DCC: variants seen among roughly 807,000 people sequenced by gnomAD.
DCC encodes DCC netrin 1 receptor.
DCC carries 58 observed loss-of-function variants against 172.5 expected under a neutral mutation model. The observed-to-expected ratio is 0.34, with a 90% CI of 0.27 to 0.42. The LOEUF (loss-of-function observed/expected upper bound fraction) is 0.42, where lower values mean the gene tolerates loss of function less well. Among genes scored for constraint, DCC ranks in the 10% least tolerant of loss-of-function variants. DCC has a pLI of 1.00. For missense variants in DCC, 1,740 were observed against 1,791.0 expected, an observed-to-expected ratio of 0.97 and a Z score of 0.51; for synonymous variants, 709 against 644.5, an observed-to-expected ratio of 1.10 and a Z score of -1.52.
chr18:53,084,697 C>G (rs998654784), intron 7 of DCC, among the ~76,000 whole-genome samples: 1 of 152,140 alleles, frequency 6.6e-6, no homozygotes, highest in Non-Finnish European at 1.5e-5. Flanking sequence ...ATCTTTAGAG[C>G]CTGCAAAAAG....
intron 11 of DCC, among the ~76,000 whole-genome samples, chr18:53,213,423 G>T (rs560825392): frequency 1.3e-3 from 199 of 152,018 alleles, no homozygotes; most frequent in South Asian, 9.0e-3. Flanking sequence ...GCCGAGGCGG[G>T]TGGATCACGA....
chr18:53,451,201 A>G (rs573960070), intron 23 of DCC, among the ~76,000 whole-genome samples: 35 of 152,342 alleles, frequency 2.3e-4, no homozygotes, highest in African/African-American at 8.2e-4. Context: ...GAGATTCAAA[A>G]TGGTTTATTT....
rs1336416063 is a variant in DCC, at chr18:52,340,757, G to T, written c.-31G>T. 6.4e-7 allele frequency: 1 copy of T among 1,566,564 alleles called. No homozygotes were observed. Among genetic ancestry groups the T allele is most frequent in the South Asian group, 1.1e-5 (1 of 89,978 alleles). The stretch of plus-strand genomic sequence containing the variant: ...GTGTGTGAGTGCTGCCGCTGCCCGC[G>T]ACCCCTGGCCCCGAAGGTGTTGGCT... On this transcript the variant is annotated 5_prime_UTR_variant, in exon 1 of 29. Transcript: ENST00000442544.
chr18:53,341,949 A>C (rs565685088), intron 15 of DCC, among the ~76,000 whole-genome samples: 2 of 152,208 alleles, frequency 1.3e-5, no homozygotes, highest in South Asian at 4.1e-4. Context: ...TAGTCATTAC[A>C]TATACATAAT....
chr18:52,743,309 G>T (rs550127353), intron 1 of DCC, among the ~76,000 whole-genome samples: 2 of 152,328 alleles, frequency 1.3e-5, no homozygotes, highest in South Asian at 2.1e-4. Flanking sequence ...GGAAGCTAAA[G>T]CTAGCTTATA....
chr18:53,320,332 A>G (rs12458143), intron 13 of DCC, among the ~76,000 whole-genome samples: 54,770 of 152,006 alleles, frequency 0.36, 11,696 homozygotes, highest in East Asian at 0.58. Context: ...TCGGCCTCCC[A>G]AAGTGCTGGG....
chr18:52,560,913 T>C (rs998217238), intron 1 of DCC, among the ~76,000 whole-genome samples: 2 of 152,188 alleles, frequency 1.3e-5, no homozygotes, highest in African/African-American at 4.8e-5. Context: ...GATTCAGATA[T>C]TGCATTTTAT....
At chr18:53,286,217 CTA>C (rs1312837852) in intron 12 of DCC, among the ~76,000 whole-genome samples, 2 of 151,988 alleles carry the variant, frequency 1.3e-5, no homozygotes, top group African/African-American at 2.4e-5. Flanking sequence ...TGTGGTTTGG[CTA>C]TGTCACCACC....
chr18:53,082,543 T>C (rs960958121), intron 7 of DCC, among the ~76,000 whole-genome samples: 9 of 152,110 alleles, frequency 5.9e-5, no homozygotes, highest in Non-Finnish European at 1.3e-4. Context: ...AATAAATATA[T>C]GAAGACTTTA....
At chr18:52,372,852 A>G (rs1985181829) in intron 1 of DCC, among the ~76,000 whole-genome samples, 1 of 152,218 alleles carries the variant, frequency 6.6e-6, no homozygotes, top group Non-Finnish European at 1.5e-5. Flanking sequence ...TAGAGGATGA[A>G]ATAACAAAAA....
intron 2 of DCC, among the ~76,000 whole-genome samples, chr18:52,888,863 G>A (rs950137878): frequency 6.6e-6 from 1 of 151,718 alleles, no homozygotes; most frequent in African/African-American, 2.4e-5. Flanking sequence ...CTAGACTTTT[G>A]CATATATAAG....
chr18:52,914,645 A>G (rs551207712), intron 3 of DCC, among the ~76,000 whole-genome samples: 1 of 108,192 alleles, frequency 9.2e-6, no homozygotes, highest in Non-Finnish European at 2.0e-5. Context: ...TCAATAAAGA[A>G]TATTCTAAAC....
rs552044505 is a variant in DCC at position 53,212,548 on chromosome 18, T to C, written c.1862-3000T>C. Among the ~76,000 whole-genome samples the C allele has an allele frequency of 8.8e-4, 134 of 152,280 alleles. 2 individuals carry two copies. Among genetic ancestry groups the C allele is most frequent in the Admixed American group, 1.0e-3 (16 of 15,298 alleles). ...CCTGACATGACAACAATAGCCAGTGTGCTATCAGTGGAAAGTTAGAGAAGA... is the reference window on the plus strand; with the variant it reads ...CCTGACATGACAACAATAGCCAGTGCGCTATCAGTGGAAAGTTAGAGAAGA... On this transcript the variant is annotated intron_variant, in intron 11 of 28. Transcript: ENST00000442544.
chr18:52,496,126 A>G (rs2030738469), intron 1 of DCC, among the ~76,000 whole-genome samples: 1 of 152,058 alleles, frequency 6.6e-6, no homozygotes, highest in Non-Finnish European at 1.5e-5. Context: ...TACAAACCAC[A>G]CCCTATTTTG....
chr18:52,776,582 TC>T (rs1454827944), intron 2 of DCC, among the ~76,000 whole-genome samples: 1 of 152,074 alleles, frequency 6.6e-6, no homozygotes, highest in African/African-American at 2.4e-5. Flanking sequence ...TGAGAGATCT[TC>T]TGATTGAAAG....
At chr18:52,350,886 GTGACCCTTTCTTCCCATATTTCT>G (rs1186232550) in intron 1 of DCC, among the ~76,000 whole-genome samples, 2 of 152,026 alleles carry the variant, frequency 1.3e-5, no homozygotes, top group African/African-American at 4.8e-5. Context: ...CCAGACTTTC[GTGACCCTTTCTTCCCATATTTCT>G]TGAATGTGTT....
At chr18:53,398,676 C>T (rs1403424007) in intron 18 of DCC, among the ~76,000 whole-genome samples, 1 of 152,034 alleles carries the variant, frequency 6.6e-6, no homozygotes, top group Non-Finnish European at 1.5e-5. Flanking sequence ...TTTTTTTCCT[C>T]TCATAAACAT....
chr18:53,435,686 G>A (rs1480323160), intron 22 of DCC, among the ~76,000 whole-genome samples: 1 of 152,114 alleles, frequency 6.6e-6, no homozygotes, highest in Non-Finnish European at 1.5e-5. Context: ...CCATCTTAGG[G>A]CTAAATTTTC....
intron 8 of DCC, among the ~76,000 whole-genome samples, chr18:53,158,451 G>A (rs1167085563): frequency 6.6e-6 from 1 of 152,110 alleles, no homozygotes. Context: ...ATGTCCTAGG[G>A]TTCTAGTCCC....
Sources: allele counts gnomAD v4.1 joint callset (sites outside exome capture counted in the v4.1 genomes callset), GRCh38; gene constraint gnomAD v4.1.1; transcripts MANE v1.5; gene names NCBI Gene and HGNC (gene_info 2026-07-23, HGNC 2026-07-21).